Variants in ALK observed in about 807,000 individuals in gnomAD.
ALK encodes the protein ALK tyrosine kinase receptor.
ALK carries 74 observed loss-of-function variants against 163.1 expected under a neutral mutation model. That is an observed-to-expected ratio of 0.45 (90% CI 0.38 to 0.55). The LOEUF (loss-of-function observed/expected upper bound fraction) is 0.55, where lower values mean the gene tolerates loss of function less well. ALK is among the 20% of genes least tolerant of loss of function. ALK has a pLI of 0.00. For missense variants in ALK, 2,063 were observed against 2,105.3 expected (o/e 0.98, Z 0.39); for synonymous variants, 960 against 843.2 (o/e 1.14, Z -2.40).
At chr2:29,780,371 C>T (rs1300403852) in intron 1 of ALK, among the ~76,000 whole-genome samples, 1 of 152,206 alleles carries the variant, frequency 6.6e-6, no homozygotes, top group Non-Finnish European at 1.5e-5. Flanking sequence ...AGCTCATTGC[C>T]AAGCCCTGAA....
intron 1 of ALK, among the ~76,000 whole-genome samples, chr2:29,855,829 C>T (rs1666124196): frequency 6.6e-6 from 1 of 152,166 alleles, no homozygotes; most frequent in Admixed American, 6.5e-5. Flanking sequence ...CCCATTTCTT[C>T]AATTATTTAG....
intron 5 of ALK, among the ~76,000 whole-genome samples, chr2:29,378,336 C>T (rs1668808132): frequency 6.6e-6 from 1 of 152,142 alleles, no homozygotes; most frequent in Non-Finnish European, 1.5e-5. Context: ...TTTGTTCATT[C>T]AATTTCTACA....
At chr2:29,837,831 A>G (rs1444824190) in intron 1 of ALK, among the ~76,000 whole-genome samples, 2 of 152,192 alleles carry the variant, frequency 1.3e-5, no homozygotes, top group African/African-American at 4.8e-5. Context: ...AAGAAGAAAG[A>G]AAATGTGACT....
chr2:29,657,036 G>T (rs146678733), intron 3 of ALK, among the ~76,000 whole-genome samples: 127 of 152,304 alleles, frequency 8.3e-4, no homozygotes, highest in Non-Finnish European at 1.5e-3. Context: ...TAAGCTGCCA[G>T]CTTGAAGTAA....
At chr2:29,343,234 G>T (rs1469064316) in intron 5 of ALK, among the ~76,000 whole-genome samples, 2 of 135,430 alleles carry the variant, frequency 1.5e-5, no homozygotes, top group Non-Finnish European at 3.2e-5. Flanking sequence ...TTTGAGACAG[G>T]GTCTCATTCT....
chr2:29,297,196 C>T (rs1666214274), intron 8 of ALK, 139 bp from the exon 9 acceptor site: 1 of 860,478 alleles, frequency 1.2e-6, no homozygotes, highest in Non-Finnish European at 1.9e-6. Flanking sequence ...ATGCCCACCA[C>T]CTGTCTCACC....
At chr2:29,373,673 T>G (rs1668686955) in intron 5 of ALK, among the ~76,000 whole-genome samples, 1 of 152,214 alleles carries the variant, frequency 6.6e-6, no homozygotes, top group Non-Finnish European at 1.5e-5. Context: ...CATTCCAAAG[T>G]AAGAACTTCT....
chr2:29,745,972 T>C (rs1680198247), intron 1 of ALK, among the ~76,000 whole-genome samples: 1 of 152,216 alleles, frequency 6.6e-6, no homozygotes, highest in African/African-American at 2.4e-5. Flanking sequence ...AAATCAGGTA[T>C]AATAATAGCA....
chr2:29,605,815 TG>T (rs1478411189), intron 3 of ALK, among the ~76,000 whole-genome samples: 1 of 152,216 alleles, frequency 6.6e-6, no homozygotes, highest in Non-Finnish European at 1.5e-5. Context: ...ACATCTGAAT[TG>T]TGAGTGTTCC....
chr2:29,577,654 T>C (rs1198316139), intron 3 of ALK, among the ~76,000 whole-genome samples: 1 of 152,174 alleles, frequency 6.6e-6, no homozygotes, highest in Non-Finnish European at 1.5e-5. Flanking sequence ...TTCTAGCAAG[T>C]GCAACCTCCC....
intron 26 of ALK, among the ~76,000 whole-genome samples, chr2:29,203,485 C>CTTTGTTTTTTTTTTTTTTTTTTTT (rs1669232421): frequency 3.1e-5 from 1 of 32,544 alleles, no homozygotes; most frequent in African/African-American, 1.2e-4. Context: ...GAGGATGTGC[C>CTTTGTTTTTTTTTTTTTTTTTTTT]TTTTTTTTTT....
chr2:29,472,442 T>C (rs1449853582), intron 4 of ALK, among the ~76,000 whole-genome samples: 1 of 152,236 alleles, frequency 6.6e-6, no homozygotes, highest in Non-Finnish European at 1.5e-5. Flanking sequence ...TTCCTCAATC[T>C]GACAAATGGT....
At position 29,193,314 on chromosome 2, in the gene ALK, C is replaced by T. The variant is rs1668922602; in HGVS notation, c.4773G>A (p.Leu1591=). The T allele has an allele frequency of 3.7e-6, 6 of 1,614,170 alleles. No individual in the cohort carries two copies. Among genetic ancestry groups the T allele is most frequent in the Non-Finnish European group, 5.1e-6 (6 of 1,180,032 alleles). ...NVNYGYQQQG[L]PLEAATAPGA... is the part of the protein sequence containing the mutation. ...CAGGGGCAGTAGCGGCTTCTAAGGGCAAGCCCTGTTGCTGGTAGCCGTAAT... is the reference window on the plus strand; with the variant it reads ...CAGGGGCAGTAGCGGCTTCTAAGGGTAAGCCCTGTTGCTGGTAGCCGTAAT... Residue 1591 remains leucine, a synonymous_variant, in exon 29 of 29, where the codon TTG becomes TTA. Coordinates refer to ENST00000389048, the MANE Select transcript of ALK (RefSeq NM_004304.5).
intron 3 of ALK, among the ~76,000 whole-genome samples, chr2:29,658,095 G>T (rs1396367172): frequency 6.6e-6 from 1 of 152,096 alleles, no homozygotes; most frequent in African/African-American, 2.4e-5. Context: ...GTGTTCATCT[G>T]CTCCTCTCCT....
At chr2:29,753,826 T>A (rs1340597114) in intron 1 of ALK, among the ~76,000 whole-genome samples, 1 of 152,184 alleles carries the variant, frequency 6.6e-6, no homozygotes, top group African/African-American at 2.4e-5. Context: ...AGGCCATGAA[T>A]CTGATGCTAG....
intron 4 of ALK, among the ~76,000 whole-genome samples, chr2:29,442,305 A>AT (rs911862294): frequency 2.9e-4 from 16 of 54,648 alleles, no homozygotes; most frequent in African/African-American, 4.9e-4. Flanking sequence ...CCTCTGATAA[A>AT]TTAAAAAAAA....
chr2:29,675,619 G>C (rs1292248793), intron 3 of ALK, among the ~76,000 whole-genome samples: 1 of 151,862 alleles, frequency 6.6e-6, no homozygotes. Flanking sequence ...TTTTTTCTTA[G>C]ATACTGAAAG....
At position 29,226,964 on chromosome 2, in the gene ALK, C is replaced by G. The variant is rs376962390; in HGVS notation, c.3025G>C (p.Asp1009His). 6 of 1,614,112 alleles carry G rather than the reference C, an allele frequency of 3.7e-6. No homozygotes were observed. In the African/African-American group the frequency reaches 8.0e-5, roughly 22 times the overall value. ...TCCTCAGCCAGCACCGTCCCGTGGT[C>G]ACAGAAGCAGATGACCTTGTGGCTT... ...PESHKVICFCDHGTVLAEDGV... is the reference protein window; with the variant it reads ...PESHKVICFCHHGTVLAEDGV... The change falls in exon 18 of 29, where the codon GAC becomes CAC. Residue 1009 changes from aspartate to histidine, a missense_variant. By Grantham distance (81) the Asp-to-His change is moderately conservative. Around this residue, in one of 5 missense-constraint regions of ALK, gnomAD observed 575 missense variants for 626.6 expected, o/e 0.92. Coordinates refer to ENST00000389048, the MANE Select transcript of ALK (RefSeq NM_004304.5).
chr2:29,531,890 A>G lies in ALK; in HGVS notation c.1154+25T>C, dbSNP rs776870721. The G allele has an allele frequency of 1.2e-5, 20 of 1,613,122 alleles. 1 individual carries two copies. The Admixed American group carries it at 2.0e-4, about 16-fold the overall frequency. ...AGCCAAATCACCTGGTATAAAATCA[A>G]TTTTGGACATGGAGAAGTACTTACC... On this transcript the variant is annotated intron_variant, in intron 4 of 28. Coordinates refer to ENST00000389048, the MANE Select transcript of ALK (RefSeq NM_004304.5).
Sources: gnomAD v4.1 joint callset for allele counts (sites outside exome capture counted in the v4.1 genomes callset) on GRCh38, gnomAD v4.1.1 for gene constraint, gnomAD v4.1.1 regional missense constraint, MANE v1.5 for transcripts, NCBI Gene and HGNC (gene_info 2026-07-23, HGNC 2026-07-21) for gene names.